Variants in RBFOX1 observed in about 807,000 individuals in gnomAD.
RBFOX1 encodes the protein RNA binding protein fox-1 homolog 1.
RBFOX1 carries 8 observed loss-of-function variants against 57.7 expected under a neutral mutation model. The ratio of observed to expected loss-of-function variants is 0.14; its 90% CI spans 0.08 to 0.25. RBFOX1 has a LOEUF of 0.25. RBFOX1 is among the 10% of genes least tolerant of loss of function. The pLI is 1.00. For missense variants in RBFOX1, 611 were observed against 548.5 expected (o/e 1.11, Z -1.14); for synonymous variants, 326 against 222.4 (o/e 1.47, Z -4.15).
intron 4 of RBFOX1, among the ~76,000 whole-genome samples, chr16:7,355,086 C>CT (rs2097192071): frequency 1.3e-5 from 2 of 152,308 alleles, no homozygotes; most frequent in South Asian, 2.1e-4. Context: ...TCCCAAAACT[C>CT]TAACAGGTAG....
chr16:6,649,769 G>T (rs76776067), intron 2 of RBFOX1, among the ~76,000 whole-genome samples: 3,711 of 152,214 alleles, frequency 0.024, 170 homozygotes, highest in African/African-American at 0.083. Context: ...GTATATATAA[G>T]ATGTAGTATT....
chr16:5,303,120 C>T (rs1293913735), intron 1 of RBFOX1, among the ~76,000 whole-genome samples: 1 of 152,108 alleles, frequency 6.6e-6, no homozygotes, highest in Non-Finnish European at 1.5e-5. Context: ...TAGAAAATGA[C>T]CAGTATTATT....
intron 2 of RBFOX1, among the ~76,000 whole-genome samples, chr16:5,502,291 G>T (rs1247460775): frequency 6.6e-6 from 1 of 152,148 alleles, no homozygotes; most frequent in African/African-American, 2.4e-5. Context: ...ATGGAGAGAT[G>T]GTCCTCCCGT....
chr16:5,855,662 C>T (rs1438234301), intron 3 of RBFOX1, among the ~76,000 whole-genome samples: 2 of 152,032 alleles, frequency 1.3e-5, no homozygotes, highest in Non-Finnish European at 2.9e-5. Flanking sequence ...ATATGTGATG[C>T]CTTCAACTTT....
At chr16:5,825,553 T>A (rs1159641693) in intron 3 of RBFOX1, among the ~76,000 whole-genome samples, 4 of 152,206 alleles carry the variant, frequency 2.6e-5, no homozygotes, top group African/African-American at 9.6e-5. Flanking sequence ...CAGTGCATTT[T>A]TTATGGTAAA....
intron 3 of RBFOX1, among the ~76,000 whole-genome samples, chr16:6,830,001 C>T (rs2092588072): frequency 6.6e-6 from 1 of 152,086 alleles, no homozygotes; most frequent in African/African-American, 2.4e-5. Flanking sequence ...TCTGCCACCT[C>T]CGCCTTCTGG....
intron 3 of RBFOX1, among the ~76,000 whole-genome samples, chr16:5,614,004 A>T (rs948340606): frequency 6.6e-6 from 1 of 151,114 alleles, no homozygotes; most frequent in Admixed American, 6.6e-5. Flanking sequence ...ACTTCTCTCA[A>T]TGGGGCTGTG....
At chr16:5,266,240 G>C (rs572747536) in intron 1 of RBFOX1, among the ~76,000 whole-genome samples, 1 of 152,104 alleles carries the variant, frequency 6.6e-6, no homozygotes, top group Non-Finnish European at 1.5e-5. Context: ...TGTATGTGTG[G>C]GGGTTCCCTG....
chr16:6,089,467 T>C (rs1452042692), intron 1 of RBFOX1, among the ~76,000 whole-genome samples: 1 of 152,156 alleles, frequency 6.6e-6, no homozygotes, highest in Non-Finnish European at 1.5e-5. Flanking sequence ...GAGAAGAAAC[T>C]GAGGTTGTAG....
chr16:6,679,128 G>C (rs1337425092), intron 3 of RBFOX1, among the ~76,000 whole-genome samples: 2 of 152,074 alleles, frequency 1.3e-5, no homozygotes, highest in African/African-American at 2.4e-5. Context: ...TATGCAGCCA[G>C]AATTTCACAA....
chr16:7,437,756 G>C (rs188707033), intron 4 of RBFOX1, among the ~76,000 whole-genome samples: 1 of 152,160 alleles, frequency 6.6e-6, no homozygotes, highest in African/African-American at 2.4e-5. Context: ...TACTTATACT[G>C]CTCGACGTGG....
At chr16:6,134,863 A>C (rs2096655195) in intron 1 of RBFOX1, among the ~76,000 whole-genome samples, 1 of 151,522 alleles carries the variant, frequency 6.6e-6, no homozygotes, top group African/African-American at 2.4e-5. Context: ...TTATTATTAT[A>C]CTTTAAGTTC....
intron 4 of RBFOX1, among the ~76,000 whole-genome samples, chr16:7,342,156 C>A (rs895732547): frequency 6.6e-6 from 1 of 152,296 alleles, no homozygotes; most frequent in East Asian, 1.9e-4. Flanking sequence ...GGCCATTACT[C>A]TCTCTGTGTT....
At chr16:6,585,206 C>T (rs549685377) in intron 2 of RBFOX1, among the ~76,000 whole-genome samples, 6 of 152,272 alleles carry the variant, frequency 3.9e-5, no homozygotes. Context: ...TTTTCCAAAA[C>T]AATTCCTTAA....
intron 11 of RBFOX1, among the ~76,000 whole-genome samples, chr16:7,651,221 C>T (rs2064990932): frequency 6.6e-6 from 1 of 152,182 alleles, no homozygotes; most frequent in Non-Finnish European, 1.5e-5. Flanking sequence ...CCTTTAAGAA[C>T]ACACAGAATT....
In RBFOX1 at chr16:5,516,029, C is replaced by G. The variant is rs549818386; in HGVS notation, c.258+48775C>G. Among the ~76,000 whole-genome samples the G allele has an allele frequency of 3.3e-5, 5 of 152,296 alleles. No individual in the cohort carries two copies. The East Asian group carries it at 7.7e-4, about 24-fold the overall frequency. ...CTTAGCCACAATATTGCCTCCCTCT[C>G]AACTGTTTCCCAAGGTAGCTAGTCT... is the stretch of plus-strand genomic sequence containing the variant. On this transcript the variant is annotated intron_variant, in intron 2 of 2. Coordinates refer to the RBFOX1 transcript ENST00000585867.
At chr16:5,333,540 T>G (rs1247905001) in intron 1 of RBFOX1, among the ~76,000 whole-genome samples, 22 of 152,218 alleles carry the variant, frequency 1.4e-4, no homozygotes, top group Admixed American at 1.2e-3. Context: ...GTGGTTTGGT[T>G]TGAAGCACAG....
At chr16:5,999,611 C>G (rs10163392) in intron 4 of RBFOX1, among the ~76,000 whole-genome samples, 8,360 of 152,212 alleles carry the variant, frequency 0.055, 744 homozygotes, top group African/African-American at 0.19. Context: ...CCTGTAATCC[C>G]GGCACTTTGG....
intron 2 of RBFOX1, among the ~76,000 whole-genome samples, chr16:6,352,875 C>G (rs1009653143): frequency 6.6e-6 from 1 of 152,134 alleles, no homozygotes; most frequent in Non-Finnish European, 1.5e-5. Context: ...GCAAACACAA[C>G]ATGCATCACA....
Sources: allele counts gnomAD v4.1 joint callset (sites outside exome capture counted in the v4.1 genomes callset), GRCh38; gene constraint gnomAD v4.1.1; transcripts MANE v1.5; gene names NCBI Gene and HGNC (gene_info 2026-07-23, HGNC 2026-07-21).